Variants in VPS37A observed in about 807,000 individuals in gnomAD.
VPS37A encodes the protein vacuolar protein sorting-associated protein 37A.
A neutral mutation model predicts 49.8 loss-of-function variants in VPS37A; 30 were observed. That is an observed-to-expected ratio of 0.60 (90% confidence interval 0.45 to 0.82). The LOEUF is 0.82. Among genes scored for constraint, VPS37A ranks in the 40% least tolerant of loss-of-function variants. VPS37A has a pLI of 0.00. For synonymous variants in VPS37A, 195 were observed against 160.6 expected (o/e 1.21, Z -1.62); for missense variants, 593 against 464.4 (o/e 1.28, Z -2.55).
chr8:17,248,545 G>C (rs1223636174), intron 1 of VPS37A: 1 of 326,910 alleles, frequency 3.1e-6, no homozygotes, highest in African/African-American at 2.2e-5. Context: ...CAAAGTGCTG[G>C]GATTACAGGA....
chr8:17,310,777 C>A, the VPS37A span, among the ~76,000 whole-genome samples: 1 of 152,144 alleles, frequency 6.6e-6, no homozygotes, highest in East Asian at 1.9e-4. Context: ...TCCATTAGGA[C>A]TCCTTTGTCA....
intron 4 of VPS37A, chr8:17,271,853 T>G: frequency 2.5e-6 from 1 of 397,164 alleles, no homozygotes; most frequent in South Asian, 1.9e-5. Context: ...GGTTTGAACT[T>G]TGCTTTTAGA....
chr8:17,316,143 G>A, the VPS37A span, among the ~76,000 whole-genome samples: 1 of 152,084 alleles, frequency 6.6e-6, no homozygotes, highest in Non-Finnish European at 1.5e-5. Flanking sequence ...GTGGGCTTGG[G>A]CAGATTACTT....
At chr8:17,269,240 T>G (rs1212198816) in intron 4 of VPS37A, among the ~76,000 whole-genome samples, 1 of 152,178 alleles carries the variant, frequency 6.6e-6, no homozygotes, top group Non-Finnish European at 1.5e-5. Flanking sequence ...TTCAGCTGTT[T>G]TTCACTAAAC....
chr8:17,264,483 A>T (rs1813265943), intron 1 of VPS37A, among the ~76,000 whole-genome samples: 1 of 152,208 alleles, frequency 6.6e-6, no homozygotes. Context: ...TCTTTTCTTA[A>T]TCGTTTTTTC....
the VPS37A span, among the ~76,000 whole-genome samples, chr8:17,316,507 C>A: frequency 1.1e-4 from 17 of 150,584 alleles, no homozygotes; most frequent in African/African-American, 4.1e-4. Flanking sequence ...TGTGGAAAGT[C>A]TCCCTGTACC....
chr8:17,293,145 G>T (rs1816300467), intron 11 of VPS37A, among the ~76,000 whole-genome samples: 1 of 151,574 alleles, frequency 6.6e-6, no homozygotes, highest in African/African-American at 2.4e-5. Flanking sequence ...GGCTTTGTTT[G>T]TTCCTTTTTA....
rs981759046 is a variant in VPS37A, at chr8:17,247,031, C to G, written c.-214C>G. On this transcript the variant is annotated 5_prime_UTR_variant, in exon 1 of 12. Transcript: ENST00000324849. ...GAAGGTGGGACCTCCTGTTCCGGGCCGCAAGTTTCCCTCTCCAGCCGCCCG... is the reference window on the plus strand; with the variant it reads ...GAAGGTGGGACCTCCTGTTCCGGGCGGCAAGTTTCCCTCTCCAGCCGCCCG... The G allele has an allele frequency of 3.2e-6, 2 of 628,746 alleles. No individual in the cohort carries two copies. The highest frequency in any genetic ancestry group is 3.7e-5 in the African/African-American group (2 of 54,032). The allele number at this position is 628,746 out of a possible 1,614,324, so 38.9% of individuals were successfully genotyped here.
chr8:17,262,067 C>A (rs545596367), intron 1 of VPS37A, among the ~76,000 whole-genome samples: 2 of 151,956 alleles, frequency 1.3e-5, no homozygotes, highest in Admixed American at 6.6e-5. Flanking sequence ...GTGTAGAAAT[C>A]GTGAGTCGAG....
intron 11 of VPS37A, among the ~76,000 whole-genome samples, chr8:17,293,993 C>T (rs192225831): frequency 6.6e-6 from 1 of 152,332 alleles, no homozygotes; most frequent in East Asian, 1.9e-4. Context: ...CTGGGTGATC[C>T]GCTGCTCTCT....
At chr8:17,322,268 T>C in the VPS37A span, among the ~76,000 whole-genome samples, 2 of 152,230 alleles carry the variant, frequency 1.3e-5, no homozygotes, top group Admixed American at 6.5e-5. Flanking sequence ...AAGAGGACTT[T>C]ATTATGGCCT....
chr8:17,325,804 A>G, the VPS37A span, among the ~76,000 whole-genome samples: 1 of 152,356 alleles, frequency 6.6e-6, no homozygotes, highest in East Asian at 1.9e-4. Context: ...TTTTGAATAA[A>G]GAAATTCAGC....
the VPS37A span, chr8:17,331,117 C>T: frequency 6.3e-7 from 1 of 1,588,908 alleles, no homozygotes; most frequent in South Asian, 1.2e-5. Context: ...TACTTAACTG[C>T]ATTTTAATGC....
chr8:17,249,445 A>G (rs916894297), intron 1 of VPS37A, among the ~76,000 whole-genome samples: 6 of 152,248 alleles, frequency 3.9e-5, no homozygotes, highest in Non-Finnish European at 5.9e-5. Context: ...TTATGAACAA[A>G]TAACTAAGTA....
intron 9 of VPS37A, among the ~76,000 whole-genome samples, chr8:17,283,836 A>G (rs1815335033): frequency 6.6e-6 from 1 of 152,184 alleles, no homozygotes; most frequent in South Asian, 2.1e-4. Context: ...TATGAATTTT[A>G]GGATAGGTTT....
the VPS37A span, among the ~76,000 whole-genome samples, chr8:17,321,987 A>G: frequency 1.3e-5 from 2 of 152,094 alleles, no homozygotes; most frequent in Non-Finnish European, 2.9e-5. Flanking sequence ...ATTTTCTCCT[A>G]TGCAATTGCT....
the VPS37A span, among the ~76,000 whole-genome samples, chr8:17,327,716 G>C: frequency 2.6e-5 from 4 of 151,934 alleles, no homozygotes; most frequent in East Asian, 1.9e-4. Flanking sequence ...TAAATATTTA[G>C]AGCACTAGTT....
In VPS37A at chr8:17,247,166, C is replaced by A; in HGVS notation, c.-79C>A. On this transcript the variant is annotated 5_prime_UTR_variant, in exon 1 of 12. It adds an upstream start codon to the 5' untranslated region. Transcript: ENST00000324849. The stretch of plus-strand genomic sequence containing the variant: ...GACGTCCCACCCCGCTCCTCTGTCG[C>A]TGGAGAACCGCCGGGCCGAGCCACT... 12 of 1,543,310 alleles carry A rather than the reference C, an allele frequency of 7.8e-6. No individual in the cohort carries two copies. Among genetic ancestry groups the A allele is most frequent in the Non-Finnish European group, 1.0e-5 (12 of 1,144,268 alleles).
intron 1 of VPS37A, chr8:17,248,325 C>A: frequency 2.2e-6 from 1 of 448,148 alleles, no homozygotes; most frequent in Non-Finnish European, 4.4e-6. Context: ...AGCGCAGTGG[C>A]GCGATCTCGG....
Sources: gnomAD v4.1 joint callset for allele counts (sites outside exome capture counted in the v4.1 genomes callset) on GRCh38, gnomAD v4.1.1 for gene constraint, MANE v1.5 for transcripts, NCBI Gene and HGNC (gene_info 2026-07-23, HGNC 2026-07-21) for gene names.